The following COL27A1 variants were observed in gnomAD, a reference collection of about 807,000 sequenced individuals.
COL27A1 encodes the protein collagen alpha-1(XXVII) chain.
In COL27A1, 106 loss-of-function variants were observed where a neutral mutation model predicts 251.3. The observed-to-expected ratio is 0.42, with a 90% CI of 0.36 to 0.50. The LOEUF (loss-of-function observed/expected upper bound fraction) is 0.50. Ranked by LOEUF, COL27A1 falls within the 20% of genes least tolerant of loss-of-function variation. The pLI, the probability that COL27A1 is intolerant of heterozygous loss-of-function variation, is 0.00. For synonymous variants in COL27A1, 1,000 were observed against 986.3 expected, an observed-to-expected ratio of 1.01 and a Z score of -0.26; for missense variants, 2,325 against 2,522.8, an observed-to-expected ratio of 0.92 and a Z score of 1.68.
chr9:114,253,336 GAGAA>G (rs913735838), intron 27 of COL27A1, among the ~76,000 whole-genome samples: 5 of 121,562 alleles, frequency 4.1e-5, no homozygotes, highest in East Asian at 4.8e-4. Flanking sequence ...GAAGGGAGGG[GAGAA>G]AGAAAGAAGG....
intron 10 of COL27A1, chr9:114,209,309 C>T: frequency 2.1e-6 from 1 of 471,006 alleles, no homozygotes; most frequent in Non-Finnish European, 4.2e-6. Context: ...GGGCACCTAC[C>T]AGCATCCCTG....
chr9:114,162,634 C>A, intron 1 of COL27A1, 81 bp from the exon 2 acceptor site: 1 of 1,051,026 alleles, frequency 9.5e-7, no homozygotes, highest in Non-Finnish European at 1.5e-6. Flanking sequence ...GGACTGGTTT[C>A]CACTCCCAGC....
chr9:114,242,022 C>G (rs1273511913), intron 21 of COL27A1, among the ~76,000 whole-genome samples, 165 bp from the exon 22 acceptor site: 2 of 152,268 alleles, frequency 1.3e-5, no homozygotes, highest in African/African-American at 4.8e-5. Context: ...CCAGTGGAGC[C>G]TCTGCCCTGG....
intron 3 of COL27A1, among the ~76,000 whole-genome samples, chr9:114,173,779 G>A (rs1028589282): frequency 2.6e-5 from 4 of 152,096 alleles, no homozygotes; most frequent in Admixed American, 1.3e-4. Flanking sequence ...GTGGACTGAT[G>A]GTGGGTGTTG....
In COL27A1 at chr9:114,243,555, G is replaced by C. The variant is rs143200559; in HGVS notation, c.2929G>C (p.Val977Leu). Residue 977 changes from valine (V) to leucine (L), a missense_variant, in exon 23 of 61, where the codon GTG (valine) becomes CTG (leucine). Val to Leu is a conservative substitution (Grantham distance 32, BLOSUM62 1). Coordinates refer to ENST00000356083, the MANE Select transcript of COL27A1 (RefSeq NM_032888.4). ...GFPGRPGLDG[V>L]KGEPGDPGRP... ...TCCTGGGAGGCCCGGCCTGGATGGC[G>C]TGAAGGTGAGGGGACCTGGAGATCC... is the stretch of plus-strand genomic sequence containing the variant. 3.7e-6 allele frequency: 6 copies of C among 1,613,184 alleles called. No individual in the cohort carries two copies. Among genetic ancestry groups the C allele is most frequent in the Non-Finnish European group, 5.1e-6 (6 of 1,179,350 alleles).
chr9:114,204,095 A>G lies in COL27A1; in HGVS notation c.2125-1007A>G, dbSNP rs149174691. On this transcript the variant is annotated intron_variant, in intron 7 of 60. Transcript: ENST00000356083. ...GTGTGTATTCTGGTCTTGTGTGTGT[A>G]TTTTAGACTCTGGAGGAGTCTTCAA... Among the ~76,000 whole-genome samples, 7 of 152,234 alleles carry G rather than the reference A, an allele frequency of 4.6e-5. No homozygotes were observed. The East Asian group carries it at 1.2e-3, about 25-fold the overall frequency.
intron 27 of COL27A1, among the ~76,000 whole-genome samples, chr9:114,258,285 C>T (rs1834082093): frequency 2.0e-5 from 3 of 152,328 alleles, no homozygotes; most frequent in South Asian, 2.1e-4. Flanking sequence ...ACTCCCCAGA[C>T]TCCCAGGAAA....
At chr9:114,258,453 C>T (rs979674242) in intron 27 of COL27A1, 88 bp from the exon 28 acceptor site, 1 of 1,364,536 alleles carries the variant, frequency 7.3e-7, no homozygotes, top group Non-Finnish European at 1.0e-6. Context: ...GGCTGCAGGC[C>T]TTCAAGCTTT....
chr9:114,267,084 G>A (rs977645214), intron 33 of COL27A1, among the ~76,000 whole-genome samples: 1 of 152,218 alleles, frequency 6.6e-6, no homozygotes, highest in Non-Finnish European at 1.5e-5. Flanking sequence ...CATGCCCACG[G>A]TGATAACTCA....
At chr9:114,243,115 G>A (rs1373845092) in intron 22 of COL27A1, among the ~76,000 whole-genome samples, 1 of 152,154 alleles carries the variant, frequency 6.6e-6, no homozygotes, top group Non-Finnish European at 1.5e-5. Flanking sequence ...TTGACCTCCT[G>A]AACCTTCTGA....
chr9:114,239,932 C>T (rs2135472386), intron 19 of COL27A1, among the ~76,000 whole-genome samples: 1 of 152,286 alleles, frequency 6.6e-6, no homozygotes, highest in South Asian at 2.1e-4. Context: ...AGTAGCAGCA[C>T]CGGATTTGAG....
chr9:114,218,627 G>C (rs1448979682), intron 12 of COL27A1: 1 of 152,130 alleles, frequency 6.6e-6, no homozygotes, highest in Non-Finnish European at 1.5e-5. Context: ...CCTCCTTTTG[G>C]TGTCTGAATG....
At chr9:114,209,230 G>A (rs375646837) in intron 10 of COL27A1, among the ~76,000 whole-genome samples, 12 of 152,274 alleles carry the variant, frequency 7.9e-5, no homozygotes, top group African/African-American at 2.9e-4. Flanking sequence ...GCACTCAGGC[G>A]GCCAGAGGTG....
chr9:114,181,095 A>G (rs1051820687), intron 4 of COL27A1, among the ~76,000 whole-genome samples: 2 of 152,176 alleles, frequency 1.3e-5, no homozygotes, highest in Admixed American at 1.3e-4. Context: ...GCTGGGGTGA[A>G]CATCGGAGGG....
Position 114,156,001 on chromosome 9 carries a change from G to A in COL27A1, c.51G>A (p.Ala17=). The change falls in exon 1 of 61, where the codon GCG becomes GCA. Residue 17 remains alanine (A), a synonymous_variant. Coordinates refer to ENST00000356083, the MANE Select transcript of COL27A1 (RefSeq NM_032888.4). ...CCCGAGGCACAGCGGCGGCGGCGGC[G>A]GCGCGCGGGGGGTGAGTACGAACTC... ...RGARGTAAAA[A]ARGGGFLFSW... 1.5e-6 allele frequency: 2 copies of A among 1,296,286 alleles called. No individual in the cohort carries two copies. The highest frequency in any genetic ancestry group is 2.1e-4 in the Middle Eastern group (1 of 4,836). The allele number at this position is 1,296,286 out of a possible 1,614,324, so 80.3% of individuals were successfully genotyped here.
intron 27 of COL27A1, among the ~76,000 whole-genome samples, chr9:114,253,214 C>A (rs968130777): frequency 6.6e-6 from 1 of 150,422 alleles, no homozygotes; most frequent in Non-Finnish European, 1.5e-5. Context: ...GAGCCAAGAT[C>A]GTGCCACTGC....
At chr9:114,309,194 G>A (rs906398802) in intron 59 of COL27A1, 66 bp from the exon 60 acceptor site, 120 of 1,339,116 alleles carry the variant, frequency 9.0e-5, no homozygotes, top group Middle Eastern at 7.3e-4. Context: ...TAGAGAGGCA[G>A]GGAACCCTCG....
intron 14 of COL27A1, among the ~76,000 whole-genome samples, chr9:114,225,713 T>C (rs901092078): frequency 1.3e-5 from 2 of 152,208 alleles, no homozygotes; most frequent in Non-Finnish European, 2.9e-5. Flanking sequence ...GTATTGATAA[T>C]CATTTTAGTG....
intron 28 of COL27A1, among the ~76,000 whole-genome samples, chr9:114,259,060 C>A (rs1380603589): frequency 6.6e-6 from 1 of 152,122 alleles, no homozygotes; most frequent in Non-Finnish European, 1.5e-5. Flanking sequence ...GCCTGGAAGC[C>A]CAGAGGAGGA....
Sources: gnomAD v4.1 joint callset for allele counts (sites outside exome capture counted in the v4.1 genomes callset) on GRCh38, gnomAD v4.1.1 for gene constraint, MANE v1.5 for transcripts, NCBI Gene and HGNC (gene_info 2026-07-23, HGNC 2026-07-21) for gene names.